ARFGEF2: variants seen among roughly 807,000 people sequenced by gnomAD.
ARFGEF2 encodes the protein ARF guanine nucleotide exchange factor 2, also known as brefeldin A-inhibited guanine nucleotide-exchange protein 2.
In ARFGEF2, 74 loss-of-function variants were observed where a neutral mutation model predicts 219.9. The observed-to-expected ratio is 0.34, with a 90% CI of 0.28 to 0.41. The LOEUF is 0.41. Ranked by LOEUF, ARFGEF2 falls within the 10% of genes least tolerant of loss-of-function variation. ARFGEF2 has a pLI of 1.00. For missense variants in ARFGEF2, 1,743 were observed against 2,218.3 expected, an observed-to-expected ratio of 0.79 and a Z score of 4.30; for synonymous variants, 733 against 799.2, an observed-to-expected ratio of 0.92 and a Z score of 1.40.
intron 13 of ARFGEF2, 81 bp downstream of exon 13, chr20:48,974,955 T>TA: frequency 8.1e-7 from 1 of 1,230,290 alleles, no homozygotes; most frequent in Non-Finnish European, 1.2e-6. Context: ...TTAGTATAGT[T>TA]GTCTTAGAAT....
intron 6 of ARFGEF2, among the ~76,000 whole-genome samples, chr20:48,960,421 C>T (rs576072693): frequency 2.0e-5 from 3 of 152,206 alleles, no homozygotes; most frequent in East Asian, 1.9e-4. Context: ...GGGACATGAC[C>T]GTATGCCACT....
intron 14 of ARFGEF2, among the ~76,000 whole-genome samples, chr20:48,984,193 T>C (rs569591050): frequency 3.9e-5 from 6 of 152,216 alleles, no homozygotes; most frequent in Non-Finnish European, 8.8e-5. Flanking sequence ...CTTTTATCTG[T>C]CTGCTTCACC....
intron 6 of ARFGEF2, among the ~76,000 whole-genome samples, chr20:48,962,886 C>G (rs1276326720): frequency 6.6e-6 from 1 of 151,976 alleles, no homozygotes; most frequent in Admixed American, 6.6e-5. Flanking sequence ...AAGGTGATGG[C>G]TTTTTTGGTC....
chr20:48,965,363 G>C (rs906616728), intron 7 of ARFGEF2, among the ~76,000 whole-genome samples: 1 of 152,156 alleles, frequency 6.6e-6, no homozygotes, highest in African/African-American at 2.4e-5. Flanking sequence ...CTGATCATCA[G>C]ATATGCTTTC....
In ARFGEF2 at chr20:48,953,555, G is replaced by A; in HGVS notation, c.604-1G>A. 1 of 1,613,928 alleles carries A rather than the reference G, an allele frequency of 6.2e-7. No individual in the cohort carries two copies. Among genetic ancestry groups the A allele is most frequent in the African/African-American group, 1.3e-5 (1 of 75,002 alleles). On this transcript the variant is annotated splice_acceptor_variant, in intron 5 of 38. Coordinates refer to ENST00000371917, the MANE Select transcript of ARFGEF2 (RefSeq NM_006420.3). LOFTEE classifies it high-confidence loss of function. ...TGTATCCCCCTTTTGTTGCCTTTTA[G>A]TTGCAGGAGGCCAGAGAACTGGAAA...
intron 26 of ARFGEF2, among the ~76,000 whole-genome samples, chr20:49,005,760 A>G (rs2091455506): frequency 6.8e-6 from 1 of 146,148 alleles, no homozygotes; most frequent in Non-Finnish European, 1.5e-5. Flanking sequence ...AAAAAAAAAG[A>G]AAAGAAATAT....
At chr20:48,939,521 G>A (rs1029038935) in intron 1 of ARFGEF2, among the ~76,000 whole-genome samples, 4 of 152,122 alleles carry the variant, frequency 2.6e-5, no homozygotes, top group African/African-American at 9.7e-5. Context: ...TAGCTTGGCT[G>A]CCAGCCTCAT....
At chr20:48,999,144 A>G (rs1182042195) in intron 25 of ARFGEF2, 1 of 376,142 alleles carries the variant, frequency 2.7e-6, no homozygotes, top group South Asian at 2.0e-5. Flanking sequence ...AGATTGAGGC[A>G]GGAGAATTGC....
chr20:48,987,345 A>T (rs2091332384), intron 16 of ARFGEF2, among the ~76,000 whole-genome samples: 1 of 152,206 alleles, frequency 6.6e-6, no homozygotes, highest in Non-Finnish European at 1.5e-5. Flanking sequence ...AACAGTTTCT[A>T]GCTTCAGCCT....
At chr20:48,956,665 T>C (rs1205730405) in intron 6 of ARFGEF2, among the ~76,000 whole-genome samples, 1 of 152,112 alleles carries the variant, frequency 6.6e-6, no homozygotes, top group South Asian at 2.1e-4. Context: ...CCTCTGCCTC[T>C]GCCTCCCAGG....
Position 49,017,548 on chromosome 20 carries a change from T to C in ARFGEF2, c.4507T>C (p.Leu1503=). 11 of 1,614,064 alleles carry C rather than the reference T, an allele frequency of 6.8e-6. No homozygotes were observed. The highest frequency in any genetic ancestry group is 9.3e-6 in the Non-Finnish European group (11 of 1,179,996). The part of the protein sequence containing the change: ...GMEEDSSEKH[L]DVDLDRQSLS... Reference sequence around the variant, plus strand: ...GGAGGAAGATTCATCAGAAAAGCATTTGGTAGGATTTGGGGTTTTTCTTTG... The same window carrying C: ...GGAGGAAGATTCATCAGAAAAGCATCTGGTAGGATTTGGGGTTTTTCTTTG... The change falls in exon 33 of 39, where the codon TTG becomes CTG. Residue 1503 remains leucine, a splice_region_variant and synonymous_variant. Coordinates refer to ENST00000371917, the MANE Select transcript of ARFGEF2 (RefSeq NM_006420.3).
rs202211324 is a variant in ARFGEF2 at position 48,976,063 on chromosome 20, G to T, written c.1822G>T (p.Asp608Tyr). ...DQEIGDGKGL[D>Y]MARRCSVTSM... ...GGAAATAGGGGATGGGAAAGGCCTT[G>T]ACATGGCAAGACGGTGTAGTGTGAC... Residue 608 changes from aspartate to tyrosine, a missense_variant, in exon 14 of 39, where the codon GAC becomes TAC. Physicochemically the swap from Asp to Tyr is radical, Grantham distance 160. This residue lies in a region of ARFGEF2 where 666 missense variants were observed against 955.4 expected (regional missense o/e 0.70). Coordinates refer to ENST00000371917, the MANE Select transcript of ARFGEF2 (RefSeq NM_006420.3). 6.2e-7 allele frequency: 1 copy of T among 1,612,980 alleles called. No homozygotes were observed. Among genetic ancestry groups the T allele is most frequent in the South Asian group, 1.1e-5 (1 of 91,010 alleles).
chr20:48,922,988 G>A (rs1157143117), intron 1 of ARFGEF2, among the ~76,000 whole-genome samples: 2 of 152,234 alleles, frequency 1.3e-5, no homozygotes, highest in African/African-American at 2.4e-5. Context: ...AGCAAGATGT[G>A]ATAAAGAGGG....
intron 22 of ARFGEF2, among the ~76,000 whole-genome samples, chr20:48,995,479 A>C (rs1032153908): frequency 1.3e-5 from 2 of 152,226 alleles, no homozygotes; most frequent in Admixed American, 6.5e-5. Flanking sequence ...CTCTGGATTA[A>C]TATCAATTGA....
rs191422457 is a variant in ARFGEF2 at position 48,966,945 on chromosome 20, C to T, written c.1059+922C>T. The stretch of plus-strand genomic sequence containing the variant: ...CACTGCAGCCTTCACTTCCTGGGCT[C>T]AAATGATCCTGCCACTTCAGCCCCC... On this transcript the variant is annotated intron_variant, in intron 8 of 38. Transcript: ENST00000371917. Among the ~76,000 whole-genome samples, 284 of 152,280 alleles carry T rather than the reference C, an allele frequency of 1.9e-3. 1 individual carries two copies. Among genetic ancestry groups the T allele is most frequent in the African/African-American group, 6.5e-3 (271 of 41,552 alleles).
At chr20:48,931,534 T>G (rs2090913359) in intron 1 of ARFGEF2, among the ~76,000 whole-genome samples, 1 of 151,924 alleles carries the variant, frequency 6.6e-6, no homozygotes, top group Admixed American at 6.6e-5. Context: ...AATGAATTAG[T>G]AAAGTGAGAG....
chr20:48,924,115 A>G (rs1345879939), intron 1 of ARFGEF2, among the ~76,000 whole-genome samples: 1 of 152,228 alleles, frequency 6.6e-6, no homozygotes, highest in Non-Finnish European at 1.5e-5. Context: ...TTAAATAGAA[A>G]TGACTGCTTT....
At chr20:48,991,390 C>G (rs574686254) in intron 21 of ARFGEF2, among the ~76,000 whole-genome samples, 192 bp downstream of exon 21, 1 of 152,098 alleles carries the variant, frequency 6.6e-6, no homozygotes. Context: ...ACAGTGAGCA[C>G]CCTTGCACCC....
At chr20:48,938,826 G>T (rs1023843418) in intron 1 of ARFGEF2, among the ~76,000 whole-genome samples, 1 of 152,132 alleles carries the variant, frequency 6.6e-6, no homozygotes, top group Non-Finnish European at 1.5e-5. Flanking sequence ...AGGAGCTGCC[G>T]CACCCCTTCC....
Sources: allele counts gnomAD v4.1 joint callset (sites outside exome capture counted in the v4.1 genomes callset), GRCh38; gene constraint gnomAD v4.1.1; regional missense constraint gnomAD v4.1.1; transcripts MANE v1.5; gene names NCBI Gene and HGNC (gene_info 2026-07-23, HGNC 2026-07-21).